The following MACF1 variants were observed in gnomAD, a reference collection of about 807,000 sequenced individuals.
MACF1 encodes microtubule actin crosslinking factor 1.
MACF1 carries 193 observed loss-of-function variants against 854.8 expected under a neutral mutation model. That is an observed-to-expected ratio of 0.23 (90% confidence interval 0.20 to 0.25). The LOEUF (loss-of-function observed/expected upper bound fraction) is 0.25, where lower values mean the gene tolerates loss of function less well. MACF1 is among the 10% of genes least tolerant of loss of function. MACF1 has a pLI of 1.00. For synonymous variants in MACF1, 3,185 were observed against 3,226.7 expected (o/e 0.99, Z 0.44); for missense variants, 7,722 against 8,929.1 (o/e 0.86, Z 5.45).
intron 2 of MACF1, among the ~76,000 whole-genome samples, chr1:39,109,568 C>T (rs1319540966): frequency 6.6e-6 from 1 of 152,050 alleles, no homozygotes; most frequent in African/African-American, 2.4e-5. Flanking sequence ...AGCCATTGCA[C>T]CTGGCCTATT....
Position 39,430,738 on chromosome 1 carries a change from T to C in MACF1, c.17167T>C (p.Leu5723=), listed in dbSNP as rs1275962171. 8 of 1,612,212 alleles carry C rather than the reference T, an allele frequency of 5.0e-6. No individual in the cohort carries two copies. Among genetic ancestry groups the C allele is most frequent in the Non-Finnish European group, 6.8e-6 (8 of 1,179,966 alleles). ...KKEVMEHRLV[L]DTVNEVSRAL... is the part of the protein sequence containing the mutation. Reference sequence around the variant, plus strand: ...GGAGGTCATGGAGCACAGGCTGGTGTTGGACACAGTGAATGAGGTGAGCCG... The same window carrying C: ...GGAGGTCATGGAGCACAGGCTGGTGCTGGACACAGTGAATGAGGTGAGCCG... Residue 5723 remains leucine, a synonymous_variant, in exon 66 of 101, where the codon TTG becomes CTG. Coordinates refer to ENST00000564288, the MANE Select transcript of MACF1 (RefSeq NM_001394062.1).
At position 39,360,012 on chromosome 1, in the gene MACF1, AAT is replaced by A. The variant is rs1188839648; in HGVS notation, c.12245-741_12245-740del. Among the ~76,000 whole-genome samples, 282 of 28,792 alleles carry A rather than the reference AAT, an allele frequency of 9.8e-3. 1 individual carries two copies. Among genetic ancestry groups the A allele is most frequent in the Middle Eastern group, 0.026 (1 of 38 alleles). The allele number at this position is 28,792 out of a possible 152,430, so 18.9% of individuals were successfully genotyped here. On this transcript the variant is annotated intron_variant, in intron 47 of 100. Coordinates refer to ENST00000564288, the MANE Select transcript of MACF1 (RefSeq NM_001394062.1). ...AAAAAAAAAAAAAAAAAAAAAAAAA[AAT>A]ATATATATATATATATATATATATA... is the stretch of plus-strand genomic sequence containing the variant.
intron 58 of MACF1, among the ~76,000 whole-genome samples, chr1:39,391,674 C>T (rs1642041827): frequency 6.6e-6 from 1 of 152,204 alleles, no homozygotes; most frequent in South Asian, 2.1e-4. Flanking sequence ...TTTTCCTTTT[C>T]ATTTAATCCT....
In MACF1 at chr1:39,336,316, C is replaced by T. The variant is rs761532135; in HGVS notation, c.9728C>T (p.Ala3243Val). 4 of 1,614,010 alleles carry T rather than the reference C, an allele frequency of 2.5e-6. No individual in the cohort carries two copies. In the South Asian group the frequency reaches 4.4e-5, roughly 18 times the overall value. Reference sequence around the variant, plus strand: ...ACTGGAGAGAAATTTCTAGAAATGGCAAACCCTAATGTTGCAGGTCTAGAA... The same window carrying T: ...ACTGGAGAGAAATTTCTAGAAATGGTAAACCCTAATGTTGCAGGTCTAGAA... The part of the protein sequence containing the change: ...ELTGEKFLEM[A>V]NPNVAGLEAG... The change falls in exon 37 of 101, where the codon GCA (alanine) becomes GTA (valine). Residue 3243 changes from alanine to valine, a missense_variant. Coordinates refer to ENST00000564288, the MANE Select transcript of MACF1 (RefSeq NM_001394062.1).
chr1:39,259,538 A>G (rs1645134695), intron 6 of MACF1, among the ~76,000 whole-genome samples: 1 of 152,204 alleles, frequency 6.6e-6, no homozygotes, highest in Admixed American at 6.5e-5. Flanking sequence ...TTGGGATTAC[A>G]GGCGTGAGCC....
chr1:39,312,689 G>T (rs1251065482), intron 26 of MACF1, among the ~76,000 whole-genome samples: 1 of 152,162 alleles, frequency 6.6e-6, no homozygotes, highest in Non-Finnish European at 1.5e-5. Flanking sequence ...GCCAGGTGTG[G>T]TGGCAGGTGC....
chr1:39,485,147 A>G, intron 100 of MACF1: 1 of 303,744 alleles, frequency 3.3e-6, no homozygotes, highest in Non-Finnish European at 6.1e-6. Context: ...ACTGTTCCTC[A>G]TGGGAACCTA....
chr1:39,344,039 C>G (rs1429476631), intron 40 of MACF1, among the ~76,000 whole-genome samples: 2 of 150,526 alleles, frequency 1.3e-5, no homozygotes, highest in African/African-American at 2.4e-5. Context: ...CACTTGAACC[C>G]GGGAGGCAGA....
In MACF1 at chr1:39,378,109, T is replaced by C. The variant is rs192200531; in HGVS notation, c.13214-352T>C. On this transcript the variant is annotated intron_variant, in intron 52 of 100. Coordinates refer to ENST00000564288, the MANE Select transcript of MACF1 (RefSeq NM_001394062.1). ...AAGGTGAAACTTTCTGGCTTTATTA[T>C]AAAAGCTTATTCCAAAATATGGCAA... Among the ~76,000 whole-genome samples, 263 of 152,352 alleles carry C rather than the reference T, an allele frequency of 1.7e-3. 1 individual carries two copies. Among genetic ancestry groups the C allele is most frequent in the Non-Finnish European group, 3.1e-3 (210 of 68,038 alleles).
chr1:39,295,000 C>G, intron 18 of MACF1, 46 bp from the exon 19 acceptor site: 1 of 1,368,010 alleles, frequency 7.3e-7, no homozygotes. Flanking sequence ...TATCCGCTCC[C>G]CACTGCCAAG....
intron 97 of MACF1, among the ~76,000 whole-genome samples, chr1:39,477,079 A>ATACACTTAGTG (rs1644911289): frequency 2.6e-4 from 4 of 15,138 alleles, no homozygotes; most frequent in East Asian, 3.7e-3. Context: ...ATATATATAT[A>ATACACTTAGTG]TATATATATA....
At chr1:39,229,601 T>C (rs1049793041) in intron 1 of MACF1, among the ~76,000 whole-genome samples, 2 of 152,156 alleles carry the variant, frequency 1.3e-5, no homozygotes, top group African/African-American at 2.4e-5. Flanking sequence ...CGGGCAGTTA[T>C]GGTAATTTAG....
At chr1:39,472,557 T>C (rs992596472) in intron 97 of MACF1, among the ~76,000 whole-genome samples, 9 of 152,228 alleles carry the variant, frequency 5.9e-5, no homozygotes, top group Non-Finnish European at 1.0e-4. Flanking sequence ...CCAAGTGATA[T>C]GTATATAAAA....
chr1:39,433,037 ACTTTTCAAAGG>A lies in MACF1; in HGVS notation c.17458-6_17462del. On this transcript the variant is annotated splice_acceptor_variant and splice_polypyrimidine_tract_variant and coding_sequence_variant and intron_variant, in exon 68 of 101. Transcript: ENST00000564288. LOFTEE classifies it high-confidence loss of function. ...TCTTTTTACTTCTTAACTACAGTTT[ACTTTTCAAAGG>A]CTTTCTCCATTGACATTATTCGACA... 6.5e-7 allele frequency: 1 copy of A among 1,547,024 alleles called. No homozygotes were observed. Among genetic ancestry groups the A allele is most frequent in the Non-Finnish European group, 8.9e-7 (1 of 1,123,808 alleles).
At chr1:39,465,230 TTG>T (rs1235480548) in intron 95 of MACF1, 118 bp downstream of exon 95, 2 of 1,007,332 alleles carry the variant, frequency 2.0e-6, no homozygotes, top group Non-Finnish European at 3.2e-6. Context: ...TCGCACCTGG[TTG>T]TCTTACCAAG....
intron 2 of MACF1, among the ~76,000 whole-genome samples, chr1:39,171,160 T>C (rs1250636572): frequency 6.6e-6 from 1 of 152,134 alleles, no homozygotes; most frequent in East Asian, 1.9e-4. Flanking sequence ...TCTGCGTTCC[T>C]TTCTGGTCCA....
chr1:39,155,341 T>C (rs537884236), intron 2 of MACF1, among the ~76,000 whole-genome samples: 1 of 152,352 alleles, frequency 6.6e-6, no homozygotes, highest in East Asian at 1.9e-4. Flanking sequence ...TTAGTTCAAG[T>C]GGTTAAGTCA....
intron 15 of MACF1, 103 bp from the exon 16 acceptor site, chr1:39,291,807 C>T: frequency 1.7e-6 from 2 of 1,198,632 alleles, no homozygotes; most frequent in South Asian, 1.6e-5. Context: ...TGTCCTTTTG[C>T]TCAGTCCTCT....
At chr1:39,114,890 A>T (rs1557462357) in intron 2 of MACF1, among the ~76,000 whole-genome samples, 1 of 152,282 alleles carries the variant, frequency 6.6e-6, no homozygotes, top group East Asian at 1.9e-4. Flanking sequence ...ACTGTTACCT[A>T]AAGGATGTGG....
Sources: allele counts gnomAD v4.1 joint callset (sites outside exome capture counted in the v4.1 genomes callset), GRCh38; gene constraint gnomAD v4.1.1; transcripts MANE v1.5; gene names NCBI Gene and HGNC (gene_info 2026-07-23, HGNC 2026-07-21).